PLEKHF2: variants seen among roughly 807,000 people sequenced by gnomAD.
PLEKHF2 encodes pleckstrin homology and FYVE domain containing 2, also known as pleckstrin homology domain-containing family F member 2.
Under a neutral mutation model 14.7 loss-of-function variants are expected in PLEKHF2, and 4 were observed. The ratio of observed to expected loss-of-function variants is 0.27; its 90% CI spans 0.13 to 0.62. The LOEUF (loss-of-function observed/expected upper bound fraction) is 0.62. Among genes scored for constraint, PLEKHF2 ranks in the 20% least tolerant of loss-of-function variants. The pLI is 0.85. For missense variants in PLEKHF2, 201 were observed against 307.7 expected, an observed-to-expected ratio of 0.65 and a Z score of 2.60; for synonymous variants, 90 against 103.5, an observed-to-expected ratio of 0.87 and a Z score of 0.79.
In PLEKHF2 at chr8:95,156,612, ATGT is replaced by A. The variant is rs902186161; in HGVS notation, c.*1822_*1824del. On this transcript the variant is annotated 3_prime_UTR_variant, in exon 2 of 2. Coordinates refer to ENST00000315367, the MANE Select transcript of PLEKHF2 (RefSeq NM_024613.4). ...TAGCAAATTCAGGAACCAAGGGGAA[ATGT>A]TGTGAGATAACATTTACATTGTCAA... is the stretch of plus-strand genomic sequence containing the variant. 4.2e-5 allele frequency: 7 copies of A among 167,202 alleles called. No individual in the cohort carries two copies. The highest frequency in any genetic ancestry group is 3.4e-3 in the Middle Eastern group (1 of 296). The allele number at this position is 167,202 out of a possible 1,614,324, so 10.4% of individuals were successfully genotyped here. A position where few individuals can be genotyped will look rare whatever the true frequency, so the allele number is the denominator to read the frequency against.
intron 1 of PLEKHF2, among the ~76,000 whole-genome samples, chr8:95,135,767 CTG>C (rs764246249): frequency 6.6e-5 from 10 of 152,180 alleles, no homozygotes; most frequent in Non-Finnish European, 1.0e-4. Context: ...TCTTATGACT[CTG>C]AAGCCTTTTC....
intron 1 of PLEKHF2, among the ~76,000 whole-genome samples, chr8:95,151,080 T>C (rs1342817954): frequency 1.3e-5 from 2 of 152,206 alleles, no homozygotes; most frequent in Non-Finnish European, 2.9e-5. Flanking sequence ...TTTTACATTA[T>C]TAAATATCTT....
chr8:95,143,320 C>T (rs939654726), intron 1 of PLEKHF2, among the ~76,000 whole-genome samples: 1 of 151,946 alleles, frequency 6.6e-6, no homozygotes, highest in African/African-American at 2.4e-5. Flanking sequence ...AGGATGGTTT[C>T]GATCTCCTGA....
intron 1 of PLEKHF2, among the ~76,000 whole-genome samples, chr8:95,138,353 T>TCC (rs61519066): frequency 5.7e-3 from 409 of 71,744 alleles, no homozygotes; most frequent in African/African-American, 0.02. Flanking sequence ...TTCTTCATCT[T>TCC]CCCCCCCCCC....
At chr8:95,150,935 C>T (rs1810554986) in intron 1 of PLEKHF2, among the ~76,000 whole-genome samples, 3 of 152,076 alleles carry the variant, frequency 2.0e-5, no homozygotes, top group African/African-American at 7.2e-5. Flanking sequence ...TGGCTGTTTA[C>T]TCATCCATAA....
intron 1 of PLEKHF2, among the ~76,000 whole-genome samples, chr8:95,143,653 T>C (rs1431410583): frequency 6.6e-6 from 1 of 152,058 alleles, no homozygotes; most frequent in Non-Finnish European, 1.5e-5. Flanking sequence ...AGCTTAGAGG[T>C]AGGGAAAGAA....
chr8:95,154,713 A>T lies in PLEKHF2; in HGVS notation c.669A>T (p.Arg223Ser). The T allele has an allele frequency of 6.2e-7, 1 of 1,614,138 alleles. No individual in the cohort carries two copies. Among genetic ancestry groups the T allele is most frequent in the Non-Finnish European group, 8.5e-7 (1 of 1,179,982 alleles). The change falls in exon 2 of 2, where the codon AGA becomes AGT. Residue 223 changes from arginine to serine, a missense_variant. Transcript: ENST00000315367. This position sits in a 1 kb window ranked among gnomAD's most constrained non-coding sequence, Gnocchi z 5.6. ...AGDMATCQPA[R>S]SDSYSQSLKS... ...ACATGGCCACATGCCAGCCTGCTAGATCAGACTCTTACAGCCAGTCATTGA... is the reference window on the plus strand; with the variant it reads ...ACATGGCCACATGCCAGCCTGCTAGTTCAGACTCTTACAGCCAGTCATTGA...
intron 1 of PLEKHF2, 106 bp from the exon 2 acceptor site, chr8:95,153,923 ATT>A: frequency 1.2e-6 from 1 of 827,988 alleles, no homozygotes; most frequent in Non-Finnish European, 1.7e-6. Context: ...ATTTTAGAAC[ATT>A]TTGCCTTTGT....
At position 95,133,851 on chromosome 8, in the gene PLEKHF2, T is replaced by G. The variant is rs983955802; in HGVS notation, c.-194T>G. ...GGCGGGGGAGTCACCTGCGAGCGGC[T>G]GCGCTGGCGGCCAGCCCGCCCACCG... On this transcript the variant is annotated 5_prime_UTR_variant, in exon 1 of 2. Transcript: ENST00000315367. 2 of 152,480 alleles carry G rather than the reference T, an allele frequency of 1.3e-5. No homozygotes were observed. Among genetic ancestry groups the G allele is most frequent in the Admixed American group, 6.5e-5 (1 of 15,296 alleles). 9.4% of individuals were successfully genotyped at this position (152,480 alleles called of 1,614,324 possible).
chr8:95,134,843 G>A (rs1430896500), intron 1 of PLEKHF2, among the ~76,000 whole-genome samples: 4 of 152,106 alleles, frequency 2.6e-5, no homozygotes, highest in Non-Finnish European at 2.9e-5. Context: ...GTGTTGTGTA[G>A]TACGTTGCTG....
At chr8:95,146,265 C>T (rs960833013) in intron 1 of PLEKHF2, among the ~76,000 whole-genome samples, 1 of 152,012 alleles carries the variant, frequency 6.6e-6, no homozygotes, top group Non-Finnish European at 1.5e-5. Flanking sequence ...AGTGTCTGAA[C>T]CAAGATTAGA....
intron 1 of PLEKHF2, among the ~76,000 whole-genome samples, chr8:95,134,720 C>T (rs1002734300): frequency 1.3e-5 from 2 of 152,132 alleles, no homozygotes; most frequent in Non-Finnish European, 2.9e-5. Context: ...CCGTACATTC[C>T]AGCAATAACT....
At chr8:95,150,455 T>A (rs2132110338) in intron 1 of PLEKHF2, among the ~76,000 whole-genome samples, 1 of 152,302 alleles carries the variant, frequency 6.6e-6, no homozygotes, top group East Asian at 1.9e-4. Flanking sequence ...ATTGTTGAAA[T>A]AATTATACGA....
intron 1 of PLEKHF2, among the ~76,000 whole-genome samples, chr8:95,146,457 CA>C (rs1416272333): frequency 2.0e-5 from 3 of 150,570 alleles, no homozygotes; most frequent in Admixed American, 2.0e-4. Context: ...AGAACTAAGA[CA>C]TAGTAGTCTA....
At chr8:95,153,482 G>A (rs1206481283) in intron 1 of PLEKHF2, among the ~76,000 whole-genome samples, 3 of 152,128 alleles carry the variant, frequency 2.0e-5, no homozygotes, top group African/African-American at 4.8e-5. Flanking sequence ...CAATGATGGG[G>A]TCAAATTAGG....
rs542761968 is a variant in PLEKHF2 at position 95,155,274 on chromosome 8, C to T, written c.*480C>T. On this transcript the variant is annotated 3_prime_UTR_variant, in exon 2 of 2. Coordinates refer to ENST00000315367, the MANE Select transcript of PLEKHF2 (RefSeq NM_024613.4). ...GAAATACTTTGGCTTTTTCATATACCTAGTGGTGCCTTATCATAATAGCAC... is the reference window on the plus strand; with the variant it reads ...GAAATACTTTGGCTTTTTCATATACTTAGTGGTGCCTTATCATAATAGCAC... 1 of 175,754 alleles carries T rather than the reference C, an allele frequency of 5.7e-6. No homozygotes were observed. Among genetic ancestry groups the T allele is most frequent in the East Asian group, 1.8e-4 (1 of 5,678 alleles). 10.9% of individuals were successfully genotyped at this position (175,754 alleles called of 1,614,324 possible).
At chr8:95,138,853 T>C (rs1160465228) in intron 1 of PLEKHF2, among the ~76,000 whole-genome samples, 1 of 152,246 alleles carries the variant, frequency 6.6e-6, no homozygotes, top group Non-Finnish European at 1.5e-5. Context: ...TTTTCTATAT[T>C]ATAGACAAAG....
At chr8:95,142,240 T>C (rs1161818479) in intron 1 of PLEKHF2, among the ~76,000 whole-genome samples, 5 of 152,158 alleles carry the variant, frequency 3.3e-5, no homozygotes, top group Admixed American at 3.3e-4. Context: ...GGTTTATTTT[T>C]CAGATATTAT....
At chr8:95,147,676 C>A (rs75387475) in intron 1 of PLEKHF2, among the ~76,000 whole-genome samples, 12,122 of 151,834 alleles carry the variant, frequency 0.08, 665 homozygotes, top group African/African-American at 0.14. Context: ...CAAAAAGAAG[C>A]AAATGGAAGA....
Sources: allele counts gnomAD v4.1 joint callset (sites outside exome capture counted in the v4.1 genomes callset), GRCh38; gene constraint gnomAD v4.1.1; non-coding constraint Gnocchi (gnomAD v3.1); transcripts MANE v1.5; gene names NCBI Gene and HGNC (gene_info 2026-07-23, HGNC 2026-07-21).